ACOT11: variants seen among roughly 807,000 people sequenced by gnomAD.
ACOT11 encodes the protein acyl-CoA thioesterase 11.
Under a neutral mutation model 77.5 loss-of-function variants are expected in ACOT11, and 69 were observed. That is an observed-to-expected ratio of 0.89 (90% CI 0.73 to 1.09). The LOEUF (loss-of-function observed/expected upper bound fraction) is 1.09, where lower values mean the gene tolerates loss of function less well. Ranked by LOEUF, ACOT11 falls within the 50% of genes least tolerant of loss-of-function variation. The pLI is 0.00. For missense variants in ACOT11, 766 were observed against 813.7 expected, an observed-to-expected ratio of 0.94 and a Z score of 0.71; for synonymous variants, 279 against 313.0, an observed-to-expected ratio of 0.89 and a Z score of 1.15.
downstream of ACOT11, chr1:54,610,407 C>T (rs974205611): frequency 1.9e-6 from 3 of 1,612,500 alleles, no homozygotes; most frequent in Admixed American, 1.7e-5. Context: ...AAGGGTAGAC[C>T]TTACCTGGGA....
intron 15 of ACOT11, among the ~76,000 whole-genome samples, chr1:54,616,892 C>G (rs1294261374): frequency 2.6e-5 from 4 of 152,068 alleles, no homozygotes; most frequent in Non-Finnish European, 4.4e-5. Flanking sequence ...CTGATTTTTG[C>G]TATTAGTCTT....
Position 54,605,134 on chromosome 1 carries a change from T to C in ACOT11, c.1295T>C (p.Val432Ala). Reference sequence around the variant, plus strand: ...CTCTCCTTCCACATGGAGATGGTGGTGCATGTGGATGCAGCCCAGGCCTTC... The same window carrying C: ...CTCTCCTTCCACATGGAGATGGTGGCGCATGTGGATGCAGCCCAGGCCTTC... ...KFLSFHMEMV[V>A]HVDAAQAFLL... Residue 432 changes from valine to alanine, a missense_variant, in exon 13 of 16, where the codon GTG becomes GCG. Physicochemically the swap from Val to Ala is moderately conservative, Grantham distance 64. Coordinates refer to ENST00000343744, the MANE Select transcript of ACOT11 (RefSeq NM_147161.4). The C allele has an allele frequency of 1.9e-6, 3 of 1,614,026 alleles. No homozygotes were observed. Among genetic ancestry groups the C allele is most frequent in the Admixed American group, 3.3e-5 (2 of 60,020 alleles).
chr1:54,604,947 A>G (rs1644007369), intron 12 of ACOT11, 129 bp from the exon 13 acceptor site: 1 of 947,400 alleles, frequency 1.1e-6, no homozygotes, highest in South Asian at 1.7e-5. Flanking sequence ...AGACTCAGAG[A>G]GGTTGAGCTG....
chr1:54,601,172 C>T, intron 8 of ACOT11, 97 bp from the exon 9 acceptor site: 2 of 1,437,416 alleles, frequency 1.4e-6, no homozygotes, highest in Non-Finnish European at 1.9e-6. Context: ...TGTGTGGGCG[C>T]ATGTGTGCAT....
intron 1 of ACOT11, among the ~76,000 whole-genome samples, chr1:54,551,101 C>T (rs1203888430): frequency 4.3e-5 from 6 of 140,306 alleles, no homozygotes; most frequent in Admixed American, 3.0e-4. Context: ...GATCACACCA[C>T]TGCACTCCAG....
At chr1:54,579,249 G>A (rs1435480950) in intron 1 of ACOT11, among the ~76,000 whole-genome samples, 1 of 151,738 alleles carries the variant, frequency 6.6e-6, no homozygotes, top group East Asian at 1.9e-4. Flanking sequence ...TTTCTTGTCT[G>A]CTGGGAACCT....
intron 1 of ACOT11, among the ~76,000 whole-genome samples, chr1:54,561,095 T>C (rs1227224497): frequency 1.4e-5 from 2 of 145,672 alleles, no homozygotes; most frequent in Non-Finnish European, 3.0e-5. Context: ...TTTTTTATTT[T>C]TTTTTATTTT....
chr1:54,622,248 G>A (rs1424634767), intron 15 of ACOT11, among the ~76,000 whole-genome samples: 4 of 135,346 alleles, frequency 3.0e-5, no homozygotes, highest in Non-Finnish European at 4.7e-5. Flanking sequence ...CGCACTCTAG[G>A]CTGAGTGACA....
At chr1:54,574,807 A>C (rs1553162483) in intron 1 of ACOT11, among the ~76,000 whole-genome samples, 4 of 152,146 alleles carry the variant, frequency 2.6e-5, no homozygotes, top group Non-Finnish European at 1.5e-5. Context: ...ACGCTGCTAG[A>C]GTCTGGTTGT....
rs760730473 is a variant in ACOT11, at chr1:54,608,009, C to A, written c.1570C>A (p.Arg524Ser). ...PTHRETPEYR[R>S]GETLCSGFCL... ...ACACCGAGAGACGCCAGAGTACAGA[C>A]GCGGAGAGACCCTCTGCTCAGGCTT... The change falls in exon 15 of 16, where the codon CGC becomes AGC. Residue 524 changes from arginine to serine, a missense_variant. Physicochemically the swap from Arg to Ser is moderately radical, Grantham distance 110. Transcript: ENST00000343744. The A allele has an allele frequency of 6.2e-7, 1 of 1,613,640 alleles. No individual in the cohort carries two copies. The highest frequency in any genetic ancestry group is 1.3e-5 in the African/African-American group (1 of 74,852).
intron 1 of ACOT11, among the ~76,000 whole-genome samples, chr1:54,553,133 CTTAAT>C (rs1653130755): frequency 1.3e-5 from 2 of 151,896 alleles, no homozygotes; most frequent in Admixed American, 1.3e-4. Context: ...GGCCAGTGTT[CTTAAT>C]TTATCTGGAG....
intron 15 of ACOT11, 147 bp downstream of exon 15, chr1:54,608,215 T>A: frequency 5.4e-6 from 4 of 735,630 alleles, no homozygotes; most frequent in Non-Finnish European, 8.6e-6. Flanking sequence ...CCTGAGAGTG[T>A]CAGGGGCTGA....
chr1:54,586,684 C>G (rs915982389), intron 3 of ACOT11, among the ~76,000 whole-genome samples: 14 of 152,240 alleles, frequency 9.2e-5, no homozygotes, highest in African/African-American at 3.4e-4. Flanking sequence ...TCCACCTGCC[C>G]TCGCCTCCCA....
chr1:54,595,800 A>T (rs918960315), intron 6 of ACOT11, among the ~76,000 whole-genome samples: 2 of 152,162 alleles, frequency 1.3e-5, no homozygotes, highest in African/African-American at 2.4e-5. Context: ...GAGACCTTGG[A>T]CTTGTTTACT....
intron 8 of ACOT11, 180 bp downstream of exon 8, chr1:54,599,595 T>C: frequency 1.5e-6 from 1 of 659,154 alleles, no homozygotes; most frequent in Non-Finnish European, 2.1e-6. Flanking sequence ...TTGGGAGCCT[T>C]CCCTGGCTCC....
chr1:54,566,666 G>A (rs1008318153), intron 1 of ACOT11, among the ~76,000 whole-genome samples: 10 of 152,160 alleles, frequency 6.6e-5, no homozygotes, highest in African/African-American at 2.4e-4. Context: ...TGGCATTGAT[G>A]GAGGCTGCTT....
rs1156838484 is a variant in ACOT11 at position 54,609,039 on chromosome 1, C to T, written c.1712C>T (p.Thr571Ile). 1 of 1,614,064 alleles carries T rather than the reference C, an allele frequency of 6.2e-7. No homozygotes were observed. The highest frequency in any genetic ancestry group is 8.5e-7 in the Non-Finnish European group (1 of 1,180,028). The change falls in exon 16 of 16, where the codon ACC (threonine) becomes ATC (isoleucine). Residue 571 changes from threonine (T) to isoleucine (I), a missense_variant. Coordinates refer to ENST00000343744, the MANE Select transcript of ACOT11 (RefSeq NM_147161.4). ...NVAGLSSEFY[T>I]TFKACEQFLL... ...GCCGGCCTCTCCTCTGAGTTCTACA[C>T]CACCTTCAAGGCTTGTGAGCAGTTT...
intron 1 of ACOT11, among the ~76,000 whole-genome samples, chr1:54,581,353 G>A (rs1654299365): frequency 1.3e-5 from 2 of 152,300 alleles, no homozygotes; most frequent in Admixed American, 6.5e-5. Context: ...TAGCCTGTGG[G>A]TCTGTTGTCA....
At chr1:54,594,147 A>T in intron 5 of ACOT11, 108 bp downstream of exon 5, 1 of 966,116 alleles carries the variant, frequency 1.0e-6, no homozygotes, top group South Asian at 1.6e-5. Flanking sequence ...GGGGATGGGG[A>T]GGGACACAGC....
Sources: allele counts gnomAD v4.1 joint callset (sites outside exome capture counted in the v4.1 genomes callset), GRCh38; gene constraint gnomAD v4.1.1; transcripts MANE v1.5; gene names NCBI Gene and HGNC (gene_info 2026-07-23, HGNC 2026-07-21).